ANKRD13C: variants seen among roughly 807,000 people sequenced by gnomAD.
ANKRD13C encodes the protein ankyrin repeat domain 13C.
Under a neutral mutation model 65.5 loss-of-function variants are expected in ANKRD13C, and 16 were observed. That is an observed-to-expected ratio of 0.24 (90% CI 0.17 to 0.37). The LOEUF is 0.37. Ranked by LOEUF, ANKRD13C falls within the 10% of genes least tolerant of loss-of-function variation. The pLI is 1.00. For synonymous variants in ANKRD13C, 235 were observed against 238.7 expected (o/e 0.98, Z 0.14); for missense variants, 503 against 655.9 (o/e 0.77, Z 2.55).
Position 70,270,841 on chromosome 1 carries a change from A to T in ANKRD13C, c.1495+15T>A. 1 of 1,525,192 alleles carries T rather than the reference A, an allele frequency of 6.6e-7. No individual in the cohort carries two copies. The highest frequency in any genetic ancestry group is 9.0e-7 in the Non-Finnish European group (1 of 1,107,196). 94.5% of individuals were successfully genotyped at this position (1,525,192 alleles called of 1,614,324 possible). A position where few individuals can be genotyped will look rare whatever the true frequency, so the allele number is the denominator to read the frequency against. ...CCTAATGGACACTAAAATTATATCTAATTTTTTCTCTTACCTAATTTTACA... is the reference window on the plus strand; with the variant it reads ...CCTAATGGACACTAAAATTATATCTTATTTTTTCTCTTACCTAATTTTACA... On this transcript the variant is annotated intron_variant, in intron 12 of 12. Coordinates refer to ENST00000370944, the MANE Select transcript of ANKRD13C (RefSeq NM_030816.5).
intron 7 of ANKRD13C, among the ~76,000 whole-genome samples, chr1:70,299,402 G>A (rs1465501521): frequency 6.6e-6 from 1 of 152,160 alleles, no homozygotes; most frequent in African/African-American, 2.4e-5. Context: ...AGTAACTAAG[G>A]TTTCATAAAT....
At chr1:70,328,096 A>G (rs1681626216) in intron 2 of ANKRD13C, among the ~76,000 whole-genome samples, 1 of 152,096 alleles carries the variant, frequency 6.6e-6, no homozygotes, top group East Asian at 1.9e-4. Context: ...ATTTATATAT[A>G]TAAAACATAA....
At chr1:70,324,832 A>G in intron 3 of ANKRD13C, 21 bp downstream of exon 3, 1 of 1,514,506 alleles carries the variant, frequency 6.6e-7, no homozygotes, top group South Asian at 1.2e-5. Flanking sequence ...TATATCAACA[A>G]CAGTAATTCA....
intron 1 of ANKRD13C, among the ~76,000 whole-genome samples, chr1:70,339,381 G>A (rs933507099): frequency 1.4e-5 from 2 of 144,322 alleles, no homozygotes; most frequent in African/African-American, 2.6e-5. Flanking sequence ...GCAGTGGCAC[G>A]ATCTCGGCTC....
At chr1:70,310,031 G>A (rs971674385) in intron 5 of ANKRD13C, among the ~76,000 whole-genome samples, 1 of 152,054 alleles carries the variant, frequency 6.6e-6, no homozygotes, top group Non-Finnish European at 1.5e-5. Flanking sequence ...TATAAAATAT[G>A]TGATTTGCAA....
chr1:70,327,627 C>T (rs1167156791), intron 2 of ANKRD13C, among the ~76,000 whole-genome samples: 1 of 152,136 alleles, frequency 6.6e-6, no homozygotes, highest in African/African-American at 2.4e-5. Context: ...GATATTTTAA[C>T]AATATCATTA....
At chr1:70,307,316 C>T (rs543176658) in intron 5 of ANKRD13C, among the ~76,000 whole-genome samples, 2 of 152,234 alleles carry the variant, frequency 1.3e-5, no homozygotes, top group Non-Finnish European at 2.9e-5. Flanking sequence ...GCGGATAAAT[C>T]GCTTGAGCCC....
At chr1:70,336,004 A>G in intron 2 of ANKRD13C, 54 bp downstream of exon 2, 1 of 559,674 alleles carries the variant, frequency 1.8e-6, no homozygotes. Context: ...TAAAAATTTT[A>G]AACTGACTAT....
chr1:70,320,145 A>G (rs541791324), intron 3 of ANKRD13C, among the ~76,000 whole-genome samples: 1 of 152,348 alleles, frequency 6.6e-6, no homozygotes, highest in African/African-American at 2.4e-5. Flanking sequence ...TGACACATAG[A>G]AAGCCAGATG....
chr1:70,318,390 A>G (rs946260988), intron 3 of ANKRD13C, among the ~76,000 whole-genome samples: 3 of 152,156 alleles, frequency 2.0e-5, no homozygotes, highest in Non-Finnish European at 2.9e-5. Context: ...ACTATGCCCT[A>G]CTGCTCCAAG....
At chr1:70,262,915 A>G in intron 12 of ANKRD13C, 68 bp from the exon 13 acceptor site, 2 of 1,157,014 alleles carry the variant, frequency 1.7e-6, no homozygotes, top group Non-Finnish European at 2.5e-6. Context: ...ACAAAGTACT[A>G]TTGGAGATGT....
Position 70,306,231 on chromosome 1 carries a change from T to G in ANKRD13C, c.769A>C (p.Asn257His). ...DACKIYKQGI[N>H]IRLDTTLIDF... ...AAAATCAAATCACCTTACCTGATAT[T>G]GATACCTTGTTTGTATATTTTACAT... Residue 257 changes from asparagine (N) to histidine (H), a missense_variant, in exon 6 of 13, where the codon AAT (asparagine) becomes CAT (histidine). Transcript: ENST00000370944. 1.9e-6 allele frequency: 3 copies of G among 1,570,068 alleles called. No homozygotes were observed. The highest frequency in any genetic ancestry group is 2.6e-6 in the Non-Finnish European group (3 of 1,156,554).
chr1:70,295,874 T>C (rs1285590195), intron 8 of ANKRD13C, among the ~76,000 whole-genome samples: 1 of 152,186 alleles, frequency 6.6e-6, no homozygotes, highest in Non-Finnish European at 1.5e-5. Flanking sequence ...GTTCCCTGTA[T>C]AATAACAAGA....
intron 2 of ANKRD13C, among the ~76,000 whole-genome samples, chr1:70,326,263 AAGACAG>A (rs1681540193): frequency 3.0e-5 from 4 of 134,276 alleles, no homozygotes; most frequent in Non-Finnish European, 6.5e-5. Context: ...AAAAAAAAAA[AAGACAG>A]CCATCCATCC....
rs1230925281 is a variant in ANKRD13C at position 70,260,240 on chromosome 1, T to C, written c.*2477A>G. On this transcript the variant is annotated 3_prime_UTR_variant, in exon 13 of 13. Transcript: ENST00000370944. ...ACTTCATACTACCCTTTTATGAAGT[T>C]TGGCAATTCTCTGTATGTGAATATC... Among the ~76,000 whole-genome samples the C allele has an allele frequency of 6.6e-6, 1 of 152,164 alleles. No individual in the cohort carries two copies. The highest frequency in any genetic ancestry group is 1.5e-5 in the Non-Finnish European group (1 of 67,994).
Position 70,270,969 on chromosome 1 carries a change from A to G in ANKRD13C, c.1395-13T>C. 1.9e-6 allele frequency: 3 copies of G among 1,545,720 alleles called. No homozygotes were observed. The highest frequency in any genetic ancestry group is 1.1e-5 in the South Asian group (1 of 87,744). On this transcript the variant is annotated splice_polypyrimidine_tract_variant and intron_variant, in intron 11 of 12. Coordinates refer to ENST00000370944, the MANE Select transcript of ANKRD13C (RefSeq NM_030816.5). The stretch of plus-strand genomic sequence containing the variant: ...AACATTCAATAATCTGAAAAATGGA[A>G]GAAGAAAAAAATGTTTTCATTGTTC...
Position 70,354,143 on chromosome 1 carries a change from G to A in ANKRD13C, c.266C>T (p.Ser89Phe). 1 of 1,614,116 alleles carries A rather than the reference G, an allele frequency of 6.2e-7. No individual in the cohort carries two copies. Residue 89 changes from serine (S) to phenylalanine (F), a missense_variant, in exon 1 of 13, where the codon TCC (serine) becomes TTC (phenylalanine). Physicochemically the swap from Ser to Phe is radical, Grantham distance 155. Around this residue, in one of 2 missense-constraint regions of ANKRD13C, gnomAD observed 203 missense variants for 177.6 expected, o/e 1.14. Transcript: ENST00000370944. ...PLHNSSVTAN[S>F]QSPALLAGTN... ...GCCGGCCAGAAGGGCCGGGGACTGG[G>A]AGTTGGCAGTCACGGAGGAATTGTG... is the stretch of plus-strand genomic sequence containing the variant.
At chr1:70,322,249 T>C (rs963805392) in intron 3 of ANKRD13C, among the ~76,000 whole-genome samples, 5 of 152,028 alleles carry the variant, frequency 3.3e-5, no homozygotes, top group Non-Finnish European at 5.9e-5. Flanking sequence ...AATAAATAAA[T>C]AAAAATAAGT....
At chr1:70,315,606 A>C in intron 3 of ANKRD13C, 40 bp from the exon 4 acceptor site, 1 of 1,518,912 alleles carries the variant, frequency 6.6e-7, no homozygotes, top group Non-Finnish European at 9.0e-7. Context: ...TTAAATTTTC[A>C]TCATGCAGTA....
Sources: allele counts gnomAD v4.1 joint callset (sites outside exome capture counted in the v4.1 genomes callset), GRCh38; gene constraint gnomAD v4.1.1; regional missense constraint gnomAD v4.1.1; transcripts MANE v1.5; gene names NCBI Gene and HGNC (gene_info 2026-07-23, HGNC 2026-07-21).